Variants in IMMP2L observed in about 807,000 individuals in gnomAD.
IMMP2L encodes mitochondrial inner membrane protease subunit 2.
A neutral mutation model predicts 19.3 loss-of-function variants in IMMP2L; 18 were observed. The observed-to-expected ratio is 0.93, with a 90% CI of 0.64 to 1.38. The LOEUF (loss-of-function observed/expected upper bound fraction) is 1.38, where lower values mean the gene tolerates loss of function less well. Ranked by LOEUF, IMMP2L falls within the 40% of genes most tolerant of loss-of-function variation. IMMP2L has a pLI of 0.00. For synonymous variants in IMMP2L, 76 were observed against 73.0 expected (o/e 1.04, Z -0.21); for missense variants, 233 against 218.2 (o/e 1.07, Z -0.43).
chr7:110,787,468 T>C (rs1800162970), intron 5 of IMMP2L, among the ~76,000 whole-genome samples: 1 of 151,878 alleles, frequency 6.6e-6, no homozygotes, highest in South Asian at 2.1e-4. Context: ...CAAATAAGGA[T>C]CCACTTCAGA....
chr7:111,110,657 A>G (rs1373722097), intron 3 of IMMP2L, among the ~76,000 whole-genome samples: 3 of 152,228 alleles, frequency 2.0e-5, no homozygotes, highest in Non-Finnish European at 4.4e-5. Flanking sequence ...CAAATAACTT[A>G]AAGTTCAAAG....
intron 5 of IMMP2L, among the ~76,000 whole-genome samples, chr7:110,771,448 G>A (rs1442411638): frequency 2.0e-5 from 3 of 152,144 alleles, no homozygotes; most frequent in African/African-American, 7.2e-5. Context: ...GAGCAGGGTG[G>A]TTGAGAGCAG....
chr7:110,747,684 G>T (rs4730459), intron 5 of IMMP2L, among the ~76,000 whole-genome samples: 37,651 of 152,042 alleles, frequency 0.25, 4,950 homozygotes, highest in Middle Eastern at 0.3. Context: ...AAAAGCCTTC[G>T]AAAAAATTCA....
intron 3 of IMMP2L, among the ~76,000 whole-genome samples, chr7:111,144,013 T>G (rs1803209700): frequency 6.6e-6 from 1 of 152,156 alleles, no homozygotes; most frequent in East Asian, 1.9e-4. Context: ...ACAGATACAC[T>G]GCAACATTGT....
At chr7:110,670,722 A>C (rs887724177) in intron 5 of IMMP2L, among the ~76,000 whole-genome samples, 59 of 151,684 alleles carry the variant, frequency 3.9e-4, no homozygotes, top group African/African-American at 1.2e-3. Context: ...AACAAAAAAA[A>C]CCCCTAAACA....
chr7:110,774,325 G>C (rs983911752), intron 5 of IMMP2L, among the ~76,000 whole-genome samples: 1 of 152,048 alleles, frequency 6.6e-6, no homozygotes, highest in Non-Finnish European at 1.5e-5. Flanking sequence ...ACCGCATCAA[G>C]CAAGCATGGA....
intron 3 of IMMP2L, among the ~76,000 whole-genome samples, chr7:111,233,268 T>C (rs1414708290): frequency 6.6e-6 from 1 of 152,158 alleles, no homozygotes; most frequent in African/African-American, 2.4e-5. Flanking sequence ...AAAATGGCCT[T>C]ATATAATTGA....
At position 111,546,972 on chromosome 7, in the gene IMMP2L, T is replaced by C. The variant is rs140471607; in HGVS notation, c.-3+14879A>G. On this transcript the variant is annotated intron_variant, in intron 1 of 5. Transcript: ENST00000405709. ...TCATTGGGGTACAGAATGCTAATGT[T>C]GTAGTGAAAAAGAGAAAAAGCTGAA... Among the ~76,000 whole-genome samples, 717 of 152,246 alleles carry C rather than the reference T, an allele frequency of 4.7e-3. 5 individuals are homozygous for C. Among genetic ancestry groups the C allele is most frequent in the African/African-American group, 0.016 (683 of 41,546 alleles).
At chr7:110,686,973 T>C (rs943473217) in intron 5 of IMMP2L, among the ~76,000 whole-genome samples, 1 of 152,068 alleles carries the variant, frequency 6.6e-6, no homozygotes, top group Non-Finnish European at 1.5e-5. Flanking sequence ...CATCACAGTA[T>C]TATGCCCATC....
At chr7:111,434,319 T>C (rs927774528) in intron 3 of IMMP2L, among the ~76,000 whole-genome samples, 7 of 151,734 alleles carry the variant, frequency 4.6e-5, no homozygotes, top group African/African-American at 1.7e-4. Flanking sequence ...AATGATTTTA[T>C]GACCAAGTCC....
intron 3 of IMMP2L, among the ~76,000 whole-genome samples, chr7:111,185,415 G>T (rs1395500471): frequency 6.6e-6 from 1 of 152,068 alleles, no homozygotes; most frequent in Non-Finnish European, 1.5e-5. Context: ...ATTGCATTTA[G>T]AAACTGGAAA....
At chr7:110,937,160 C>A (rs1011742093) in intron 4 of IMMP2L, among the ~76,000 whole-genome samples, 8 of 152,012 alleles carry the variant, frequency 5.3e-5, no homozygotes, top group African/African-American at 1.9e-4. Flanking sequence ...ATGTAACAAA[C>A]CTGCATGTTC....
At chr7:111,554,188 G>A (rs1405243872) in intron 1 of IMMP2L, among the ~76,000 whole-genome samples, 1 of 152,078 alleles carries the variant, frequency 6.6e-6, no homozygotes, top group Non-Finnish European at 1.5e-5. Flanking sequence ...CCAGATACTT[G>A]ATATAATTGC....
At chr7:111,305,772 C>T (rs989415069) in intron 3 of IMMP2L, among the ~76,000 whole-genome samples, 1 of 152,132 alleles carries the variant, frequency 6.6e-6, no homozygotes, top group Non-Finnish European at 1.5e-5. Flanking sequence ...GAACCATATC[C>T]TAGAACCTGG....
intron 4 of IMMP2L, among the ~76,000 whole-genome samples, chr7:110,917,912 A>C (rs979010239): frequency 3.3e-5 from 5 of 152,212 alleles, no homozygotes; most frequent in Non-Finnish European, 5.9e-5. Context: ...AAATTATATC[A>C]TACATAGAAA....
intron 3 of IMMP2L, among the ~76,000 whole-genome samples, chr7:111,229,248 T>C (rs1471273931): frequency 6.6e-6 from 1 of 152,084 alleles, no homozygotes; most frequent in East Asian, 1.9e-4. Flanking sequence ...ACTGATTTAA[T>C]AACCCTCAAT....
chr7:110,982,168 A>AT (rs1427819358), intron 3 of IMMP2L, among the ~76,000 whole-genome samples: 2 of 152,110 alleles, frequency 1.3e-5, no homozygotes, highest in African/African-American at 4.8e-5. Flanking sequence ...TAACACAGTG[A>AT]TTTTCCCTGT....
intron 5 of IMMP2L, among the ~76,000 whole-genome samples, chr7:110,847,819 C>A (rs1241382131): frequency 6.6e-6 from 1 of 151,930 alleles, no homozygotes; most frequent in Non-Finnish European, 1.5e-5. Context: ...ACAGACTTTT[C>A]AAAAAATAGT....
intron 3 of IMMP2L, among the ~76,000 whole-genome samples, chr7:111,296,466 CT>C (rs1181895174): frequency 5.3e-5 from 8 of 151,600 alleles, no homozygotes; most frequent in Non-Finnish European, 1.2e-4. Flanking sequence ...GAAATTAAAA[CT>C]AAAATGAGGT....
Sources: gnomAD v4.1 joint callset for allele counts (sites outside exome capture counted in the v4.1 genomes callset) on GRCh38, gnomAD v4.1.1 for gene constraint, MANE v1.5 for transcripts, NCBI Gene and HGNC (gene_info 2026-07-23, HGNC 2026-07-21) for gene names.